Variants in ADGRG3 observed in about 807,000 individuals in gnomAD.
ADGRG3 encodes G protein-coupled receptor 97.
ADGRG3 carries 39 observed loss-of-function variants against 54.3 expected under a neutral mutation model. The observed-to-expected ratio is 0.72, with a 90% CI of 0.56 to 0.94. ADGRG3 has a LOEUF of 0.94. Ranked by LOEUF, ADGRG3 falls within the 40% of genes least tolerant of loss-of-function variation. The pLI is 0.00. For synonymous variants in ADGRG3, 312 were observed against 290.0 expected (o/e 1.08, Z -0.77); for missense variants, 654 against 694.6 (o/e 0.94, Z 0.66).
At chr16:57,678,420 A>G in intron 4 of ADGRG3, 104 bp downstream of exon 4, 2 of 1,149,066 alleles carry the variant, frequency 1.7e-6, no homozygotes, top group South Asian at 1.3e-5. Context: ...ATGGGGACAG[A>G]GCAGGCAGTG....
chr16:57,673,189 G>A (rs1214762737), intron 1 of ADGRG3, 132 bp from the exon 2 acceptor site: 19 of 824,878 alleles, frequency 2.3e-5, no homozygotes, highest in East Asian at 5.0e-5. Context: ...CAAGTGCACC[G>A]TTAGTGTGAT....
upstream of ADGRG3, among the ~76,000 whole-genome samples, chr16:57,666,562 G>A (rs758079021): frequency 2.0e-4 from 30 of 152,204 alleles, no homozygotes; most frequent in Non-Finnish European, 3.7e-4. Flanking sequence ...TGGAGGACTT[G>A]AGGCCCTGCC....
rs78104054 is a variant in ADGRG3 at position 57,685,835 on chromosome 16, G to T, written c.1449G>T (p.Ser483=). The change falls in exon 11 of 12, where the codon TCG becomes TCT. Residue 483 remains serine, a synonymous_variant. Transcript: ENST00000333493. ...RKKVLTLLGL[S]SLVGVTWGLA... is the part of the protein sequence containing the mutation. ...AGGTGCTCACCCTGCTGGGCCTCTCGAGCCTGGTGGGTGTGACATGGGGGT... is the reference window on the plus strand; with the variant it reads ...AGGTGCTCACCCTGCTGGGCCTCTCTAGCCTGGTGGGTGTGACATGGGGGT... 6.2e-7 allele frequency: 1 copy of T among 1,614,120 alleles called. No homozygotes were observed. The highest frequency in any genetic ancestry group is 1.7e-5 in the Admixed American group (1 of 60,010).
At position 57,684,228 on chromosome 16, in the gene ADGRG3, A is replaced by G; in HGVS notation, c.1162+16A>G. The G allele has an allele frequency of 6.2e-7, 1 of 1,606,598 alleles. No individual in the cohort carries two copies. The highest frequency in any genetic ancestry group is 2.2e-5 in the East Asian group (1 of 44,736). On this transcript the variant is annotated intron_variant, in intron 9 of 11. Coordinates refer to ENST00000333493, the MANE Select transcript of ADGRG3 (RefSeq NM_170776.5). ...GTGGGCTGGGGTAGGTGCTGCCTGG[A>G]TGGACAGAATAAACGGCCGGCCCTG...
At chr16:57,682,699 G>A (rs117044247) in intron 8 of ADGRG3, 13,460 of 921,246 alleles carry the variant, frequency 0.015, 128 homozygotes, top group Non-Finnish European at 0.017. Context: ...AGCCCTTTTG[G>A]ATCTGGTTTG....
At chr16:57,680,415 C>T (rs1349744139) in intron 7 of ADGRG3, 50 bp downstream of exon 7, 1 of 1,573,836 alleles carries the variant, frequency 6.4e-7, no homozygotes. Flanking sequence ...GCTTCCAGCT[C>T]CTGCCCTGGG....
chr16:57,680,241 CTG>C (rs759975085), intron 6 of ADGRG3, 22 bp from the exon 7 acceptor site: 3 of 1,378,860 alleles, frequency 2.2e-6, no homozygotes, highest in African/African-American at 1.5e-5. Context: ...CCCTTTCCCT[CTG>C]TTCCCCTGGC....
Position 57,685,691 on chromosome 16 carries a change from C to A in ADGRG3, c.1305C>A (p.Val435=). The A allele has an allele frequency of 1.2e-6, 2 of 1,614,234 alleles. No individual in the cohort carries two copies. The highest frequency in any genetic ancestry group is 1.7e-6 in the Non-Finnish European group (2 of 1,180,032). Residue 435 remains valine (V), a synonymous_variant, in exon 11 of 12, where the codon GTC becomes GTA. Transcript: ENST00000333493. ...CCATGTACGCCCTCTATATCACCGT[C>A]CACGGCTACTTCCTCATCACCTTCC... The part of the protein sequence containing the change: ...GTTMYALYIT[V]HGYFLITFLF...
Position 57,684,199 on chromosome 16 carries a change from C to T in ADGRG3, c.1149C>T (p.Ser383=). 1 of 1,612,628 alleles carries T rather than the reference C, an allele frequency of 6.2e-7. No individual in the cohort carries two copies. Among genetic ancestry groups the T allele is most frequent in the South Asian group, 1.1e-5 (1 of 90,982 alleles). ...TCGGGCACTACTTCCTGAAGCTGAG[C>T]CTGGTGGGCTGGGGTAGGTGCTGCC... ...TYFGHYFLKL[S]LVGWGLPALM... Residue 383 remains serine (S), a synonymous_variant, in exon 9 of 12, where the codon AGC becomes AGT. Transcript: ENST00000333493.
chr16:57,688,490 G>C lies in ADGRG3; in HGVS notation c.*29G>C, dbSNP rs375874981. On this transcript the variant is annotated 3_prime_UTR_variant, in exon 12 of 12. Coordinates refer to ENST00000333493, the MANE Select transcript of ADGRG3 (RefSeq NM_170776.5). The stretch of plus-strand genomic sequence containing the variant: ...GGCACGGCCCTGCAATATGGACTCA[G>C]CTCTGGCTCTCTGTGTGACCTTGGG... 1.8e-4 allele frequency: 239 copies of C among 1,295,934 alleles called. No homozygotes were observed. Among genetic ancestry groups the C allele is most frequent in the Non-Finnish European group, 7.4e-5 (66 of 889,852 alleles). 80.3% of individuals were successfully genotyped at this position (1,295,934 alleles called of 1,614,324 possible). A position where few individuals can be genotyped will look rare whatever the true frequency, so the allele number is the denominator to read the frequency against.
At position 57,673,433 on chromosome 16, in the gene ADGRG3, G is replaced by C; in HGVS notation, c.171G>C (p.Ser57=). 6.2e-7 allele frequency: 1 copy of C among 1,611,592 alleles called. No individual in the cohort carries two copies. Among genetic ancestry groups the C allele is most frequent in the South Asian group, 1.1e-5 (1 of 91,048 alleles). Residue 57 remains serine (S), a synonymous_variant, in exon 2 of 12, where the codon TCG becomes TCC. Coordinates refer to ENST00000333493, the MANE Select transcript of ADGRG3 (RefSeq NM_170776.5). ...KALCFTKCRQ[S]GSDSCNVENL... is the part of the protein sequence containing the mutation. ...TGTGCTTCACCAAGTGCAGGCAGTC[G>C]GGCAGCGACTCCTGCAATGTGGAAA...
chr16:57,684,403 G>T lies in ADGRG3; in HGVS notation c.1176G>T (p.Leu392=). ...CCTTGTGCCCAGGCCTGCCCGCCCT[G>T]ATGGTCATCGGCACTGGGAGTGCCA... ...LSLVGWGLPA[L]MVIGTGSANS... The change falls in exon 10 of 12, where the codon CTG becomes CTT. Residue 392 remains leucine (L), a synonymous_variant. Transcript: ENST00000333493. 6.2e-7 allele frequency: 1 copy of T among 1,613,872 alleles called. No homozygotes were observed. The highest frequency in any genetic ancestry group is 1.1e-5 in the South Asian group (1 of 91,074).
intron 11 of ADGRG3, among the ~76,000 whole-genome samples, chr16:57,687,408 T>A (rs1178561303): frequency 6.6e-6 from 1 of 152,180 alleles, no homozygotes; most frequent in African/African-American, 2.4e-5. Context: ...CATGCCACCA[T>A]GCCCAGCTAA....
At chr16:57,668,062 C>T (rs1034703561), upstream of ADGRG3, 17 of 542,300 alleles carry the variant, frequency 3.1e-5, no homozygotes, top group South Asian at 9.0e-5. Flanking sequence ...CCCCTAGCCC[C>T]GTAGATCCCA....
At chr16:57,667,261 G>T (rs535937878), upstream of ADGRG3, among the ~76,000 whole-genome samples, 6 of 152,352 alleles carry the variant, frequency 3.9e-5, no homozygotes, top group African/African-American at 1.4e-4. Context: ...GGCTGAGTAG[G>T]GCTAGTGCCA....
intron 2 of ADGRG3, among the ~76,000 whole-genome samples, chr16:57,675,950 T>G (rs1173942803): frequency 6.6e-6 from 1 of 152,214 alleles, no homozygotes. Context: ...GTTAAAATGG[T>G]AAATTTTATG....
chr16:57,682,291 T>C (rs1415904142), intron 8 of ADGRG3, among the ~76,000 whole-genome samples: 1 of 152,162 alleles, frequency 6.6e-6, no homozygotes, highest in African/African-American at 2.4e-5. Flanking sequence ...GTCCCCTGCC[T>C]CCTGGGGGTC....
chr16:57,676,540 A>C (rs779452592), intron 3 of ADGRG3, among the ~76,000 whole-genome samples: 1 of 152,206 alleles, frequency 6.6e-6, no homozygotes, highest in Non-Finnish European at 1.5e-5. Flanking sequence ...TACTGAGGGA[A>C]CATATTTGAA....
At chr16:57,680,146 C>A (rs1482309976) in intron 6 of ADGRG3, 119 bp from the exon 7 acceptor site, 2 of 511,282 alleles carry the variant, frequency 3.9e-6, no homozygotes, top group East Asian at 7.1e-5. Context: ...TTCACCTCCT[C>A]TCCCCTCCCT....
Sources: allele counts gnomAD v4.1 joint callset (sites outside exome capture counted in the v4.1 genomes callset), GRCh38; gene constraint gnomAD v4.1.1; transcripts MANE v1.5; gene names NCBI Gene and HGNC (gene_info 2026-07-23, HGNC 2026-07-21).